MTMR8: variants seen among roughly 807,000 people sequenced by gnomAD.
MTMR8 encodes myotubularin related protein 8, also known as phosphatidylinositol-3,5-bisphosphate 3-phosphatase MTMR8.
MTMR8 carries 65 observed loss-of-function variants against 39.3 expected under a neutral mutation model. The observed-to-expected ratio is 1.65, with a 90% confidence interval of 1.35 to 2.03. MTMR8 has a LOEUF of 2.03. Among genes scored for constraint, MTMR8 ranks in the 30% most tolerant of loss-of-function variants. The pLI, the probability that MTMR8 is intolerant of heterozygous loss-of-function variation, is 0.00. For missense variants in MTMR8, 777 were observed against 538.9 expected (o/e 1.44, Z -4.37); for synonymous variants, 245 against 185.2 (o/e 1.32, Z -2.62).
chrX:64,317,543 T>A (rs1206072121), intron 12 of MTMR8, among the ~76,000 whole-genome samples: 1 of 112,089 alleles, frequency 8.9e-6, no homozygotes, highest in Non-Finnish European at 1.9e-5. Context: ...CATTTGGTTC[T>A]CCTTTATATC....
At chrX:64,318,583 A>G (rs1025578242) in intron 12 of MTMR8, among the ~76,000 whole-genome samples, 5 of 110,977 alleles carry the variant, frequency 4.5e-5, no homozygotes, top group Admixed American at 1.9e-4. Context: ...TGAATTTTTC[A>G]TGATGGGTTA....
At chrX:64,380,395 G>C (rs1924380193) in intron 1 of MTMR8, among the ~76,000 whole-genome samples, 1 of 112,623 alleles carries the variant, frequency 8.9e-6, no homozygotes, top group South Asian at 3.6e-4. Context: ...TGCCAGGGGA[G>C]ATTTAACAAA....
intron 10 of MTMR8, among the ~76,000 whole-genome samples, chrX:64,334,832 C>G (rs1038811025): frequency 8.9e-6 from 1 of 111,818 alleles, no homozygotes; most frequent in Non-Finnish European, 1.9e-5. Flanking sequence ...TTACAGGAAG[C>G]CTTCTTTGCC....
chrX:64,374,928 G>C (rs1294295403), intron 1 of MTMR8, among the ~76,000 whole-genome samples: 1 of 108,049 alleles, frequency 9.3e-6, no homozygotes, highest in Non-Finnish European at 1.9e-5. Flanking sequence ...GAAATTGGAA[G>C]ATGCAATAAG....
chrX:64,392,290 A>G (rs1455871707), intron 1 of MTMR8, among the ~76,000 whole-genome samples: 1 of 112,476 alleles, frequency 8.9e-6, no homozygotes, highest in Non-Finnish European at 1.9e-5. Flanking sequence ...AAAGGCAGAA[A>G]CTGGAAATTC....
At chrX:64,300,976 G>T (rs1283168612) in intron 12 of MTMR8, among the ~76,000 whole-genome samples, 1 of 107,846 alleles carries the variant, frequency 9.3e-6, no homozygotes, top group Non-Finnish European at 1.9e-5. Flanking sequence ...CCCTTTGAGG[G>T]TAACCCGACC....
At chrX:64,357,515 C>T (rs890913034) in intron 2 of MTMR8, among the ~76,000 whole-genome samples, 2 of 111,194 alleles carry the variant, frequency 1.8e-5, no homozygotes, top group Non-Finnish European at 3.8e-5. Context: ...GCCTCAACCT[C>T]CTGGGTTCAA....
chrX:64,331,395 T>C (rs138450422), intron 11 of MTMR8, 162 bp downstream of exon 11: 7,597 of 458,222 alleles, frequency 0.017, 72 homozygotes, highest in Non-Finnish European at 0.021. Flanking sequence ...TTCTGAGAGA[T>C]CTCTGTGCAA....
At chrX:64,294,138 T>C (rs1921489526) in intron 12 of MTMR8, among the ~76,000 whole-genome samples, 1 of 112,088 alleles carries the variant, frequency 8.9e-6, no homozygotes, top group African/African-American at 3.2e-5. Context: ...AAAGCCACTA[T>C]TAATAAATGG....
At chrX:64,391,584 A>G (rs943482067) in intron 1 of MTMR8, among the ~76,000 whole-genome samples, 2 of 112,092 alleles carry the variant, frequency 1.8e-5, no homozygotes, top group African/African-American at 6.5e-5. Context: ...ATCCATATCC[A>G]GTTATGTATC....
chrX:64,291,072 T>C (rs1220242452), intron 12 of MTMR8, among the ~76,000 whole-genome samples: 1 of 111,715 alleles, frequency 9.0e-6, no homozygotes, highest in Admixed American at 9.6e-5. Context: ...CTCCATACTA[T>C]TTCATATTTC....
At chrX:64,293,077 A>T (rs1921453917) in intron 12 of MTMR8, among the ~76,000 whole-genome samples, 1 of 111,280 alleles carries the variant, frequency 9.0e-6, no homozygotes, top group Non-Finnish European at 1.9e-5. Flanking sequence ...AAGTGGGTTT[A>T]TCAGGCAACA....
At chrX:64,310,917 T>C (rs1922277326) in intron 12 of MTMR8, among the ~76,000 whole-genome samples, 1 of 112,086 alleles carries the variant, frequency 8.9e-6, no homozygotes, top group African/African-American at 3.2e-5. Context: ...ACATTTGGGC[T>C]GGTTCCAAGT....
intron 12 of MTMR8, among the ~76,000 whole-genome samples, chrX:64,318,318 T>C (rs1478018920): frequency 8.9e-6 from 1 of 112,351 alleles, no homozygotes; most frequent in Non-Finnish European, 1.9e-5. Context: ...AGTAGAGCCA[T>C]AGTGTTTTCT....
chrX:64,377,945 C>A (rs774989521), intron 1 of MTMR8, among the ~76,000 whole-genome samples: 4 of 111,537 alleles, frequency 3.6e-5, no homozygotes. Flanking sequence ...ATCACGAGAT[C>A]TCATTGTTTA....
At chrX:64,357,817 A>G (rs1267057027) in intron 2 of MTMR8, among the ~76,000 whole-genome samples, 1 of 111,898 alleles carries the variant, frequency 8.9e-6, no homozygotes, top group Non-Finnish European at 1.9e-5. Context: ...CAAGAAAATC[A>G]AAGATCTTCC....
chrX:64,285,335 G>C (rs1432230801), intron 12 of MTMR8, among the ~76,000 whole-genome samples: 1 of 111,161 alleles, frequency 9.0e-6, no homozygotes, highest in Non-Finnish European at 1.9e-5. Flanking sequence ...AGTCCTTAGA[G>C]ACCTATAAAG....
At chrX:64,368,196 C>T (rs931619051) in intron 1 of MTMR8, among the ~76,000 whole-genome samples, 2 of 110,909 alleles carry the variant, frequency 1.8e-5, no homozygotes, top group Non-Finnish European at 3.8e-5. Flanking sequence ...GTAATTTATA[C>T]ATTCAATGCC....
chrX:64,388,571 T>A (rs1003269740), intron 1 of MTMR8, among the ~76,000 whole-genome samples: 12 of 112,379 alleles, frequency 1.1e-4, no homozygotes, highest in Non-Finnish European at 2.3e-4. Flanking sequence ...AATTTCAGAC[T>A]TGGAAAGGAA....
Sources: gnomAD v4.1 joint callset for allele counts (sites outside exome capture counted in the v4.1 genomes callset) on GRCh38, gnomAD v4.1.1 for gene constraint, MANE v1.5 for transcripts, NCBI Gene and HGNC (gene_info 2026-07-23, HGNC 2026-07-21) for gene names.